Variants in P2RY8 observed in about 807,000 individuals in gnomAD.
P2RY8 encodes P2Y receptor family member 8.
A neutral mutation model predicts 10.0 loss-of-function variants in P2RY8; 6 were observed. The ratio of observed to expected loss-of-function variants is 0.60; its 90% CI spans 0.33 to 1.19. The LOEUF (loss-of-function observed/expected upper bound fraction) is 1.19, where lower values mean the gene tolerates loss of function less well. P2RY8 is among the 50% of genes most tolerant of loss of function. P2RY8 has a pLI of 0.04. For missense variants in P2RY8, 456 were observed against 542.0 expected, an observed-to-expected ratio of 0.84 and a Z score of 1.58; for synonymous variants, 276 against 252.5, an observed-to-expected ratio of 1.09 and a Z score of -0.88.
intron 1 of P2RY8, among the ~76,000 whole-genome samples, chrX:1,484,561 C>T (rs1256295788): frequency 6.6e-6 from 1 of 151,174 alleles, no homozygotes; most frequent in African/African-American, 2.4e-5. Flanking sequence ...CTCGTCTGTA[C>T]TAAAAATACA....
At chrX:1,485,628 TA>T (rs1335012714) in intron 1 of P2RY8, among the ~76,000 whole-genome samples, 6 of 148,092 alleles carry the variant, frequency 4.1e-5, no homozygotes, top group Non-Finnish European at 7.4e-5. Context: ...TATTATTATA[TA>T]ATATTACATA....
rs1165017398 is a variant in P2RY8, at chrX:1,464,067, T to C, written c.*1412A>G. ...AATAGAGGGCCTCCGAACAGCAGCTTCAGCCTCCATCAGCGTCCCCAGTGC... is the reference window on the plus strand; with the variant it reads ...AATAGAGGGCCTCCGAACAGCAGCTCCAGCCTCCATCAGCGTCCCCAGTGC... On this transcript the variant is annotated 3_prime_UTR_variant, in exon 2 of 2. Transcript: ENST00000381297. 4.3e-6 allele frequency: 1 copy of C among 233,166 alleles called. No individual in the cohort carries two copies. The highest frequency in any genetic ancestry group is 2.2e-5 in the African/African-American group (1 of 45,354). 14.4% of individuals were successfully genotyped at this position (233,166 alleles called of 1,614,324 possible).
chrX:1,521,944 C>CTTTTTTTTTTTTTTTTTTT (rs751056296), intron 1 of P2RY8, among the ~76,000 whole-genome samples: 3 of 39,020 alleles, frequency 7.7e-5, no homozygotes, highest in African/African-American at 1.2e-4. Flanking sequence ...CTCTCGCTCT[C>CTTTTTTTTTTTTTTTTTTT]TTTTTTTTTT....
chrX:1,486,010 G>A (rs1285389052), intron 1 of P2RY8, among the ~76,000 whole-genome samples: 2 of 152,148 alleles, frequency 1.3e-5, no homozygotes, highest in South Asian at 4.2e-4. Context: ...CCTGAGGCCA[G>A]GAGTTCAAGA....
chrX:1,475,348 C>G (rs1330351131), intron 1 of P2RY8, among the ~76,000 whole-genome samples: 3 of 151,664 alleles, frequency 2.0e-5, no homozygotes, highest in East Asian at 3.9e-4. Context: ...TTCTATCCAC[C>G]ATGAAATGCC....
chrX:1,481,546 C>A (rs1451101265), intron 1 of P2RY8, among the ~76,000 whole-genome samples: 2 of 151,346 alleles, frequency 1.3e-5, no homozygotes, highest in South Asian at 2.1e-4. Context: ...GTTTAAGGAG[C>A]CCAGCTTTGG....
chrX:1,470,837 A>AT (rs1166098896), intron 1 of P2RY8, among the ~76,000 whole-genome samples: 12,093 of 129,524 alleles, frequency 0.093, 1,348 homozygotes, highest in African/African-American at 0.27. Context: ...GTTCTTTCTG[A>AT]TTTTTTTTTT....
intron 1 of P2RY8, among the ~76,000 whole-genome samples, chrX:1,475,848 C>T (rs2091867483): frequency 6.6e-6 from 1 of 152,136 alleles, no homozygotes; most frequent in Admixed American, 6.6e-5. Flanking sequence ...TGAGAAATGT[C>T]CAACACTAGC....
At position 1,473,142 on chromosome X, in the gene P2RY8, T is replaced by C. The variant is rs1410839793; in HGVS notation, c.-24-6560A>G. 1.1e-4 allele frequency among the ~76,000 whole-genome samples: 16 copies of C among 144,866 alleles called. No individual in the cohort carries two copies. In the East Asian group the frequency reaches 3.1e-3, roughly 28 times the overall value. On this transcript the variant is annotated intron_variant, in intron 1 of 1. Coordinates refer to ENST00000381297, the MANE Select transcript of P2RY8 (RefSeq NM_178129.5). Reference sequence around the variant, plus strand: ...ATGGGTAGATGGATGGGTGGATGGATGGGTGGGTGGATGGATAGATGAGTA... The same window carrying C: ...ATGGGTAGATGGATGGGTGGATGGACGGGTGGGTGGATGGATAGATGAGTA...
At chrX:1,506,127 G>A (rs2092230812) in intron 1 of P2RY8, among the ~76,000 whole-genome samples, 1 of 151,328 alleles carries the variant, frequency 6.6e-6, no homozygotes. Context: ...CTAGTAGCTG[G>A]GATTATAGGC....
intron 1 of P2RY8, among the ~76,000 whole-genome samples, chrX:1,470,781 A>C (rs2091774752): frequency 6.6e-6 from 1 of 151,394 alleles, no homozygotes; most frequent in African/African-American, 2.4e-5. Flanking sequence ...TACTGTGTGG[A>C]TAGACCACAT....
chrX:1,472,228 A>G (rs2091796391), intron 1 of P2RY8, among the ~76,000 whole-genome samples: 1 of 151,752 alleles, frequency 6.6e-6, no homozygotes, highest in East Asian at 1.9e-4. Flanking sequence ...TGTGGTCATA[A>G]TAGAGTAGGG....
At chrX:1,494,959 C>G (rs1206207617) in intron 1 of P2RY8, among the ~76,000 whole-genome samples, 3 of 141,856 alleles carry the variant, frequency 2.1e-5, no homozygotes, top group African/African-American at 4.9e-5. Context: ...CTCAGGTGAT[C>G]CACCCGCCTC....
At position 1,486,209 on chromosome X, in the gene P2RY8, ACT is replaced by A. The variant is rs2091984528; in HGVS notation, c.-24-19629_-24-19628del. ...CTCCAGGCTGGGTGAAAAGAGTGAA[ACT>A]CTGTCTCAACAACAACAAAAAATGG... On this transcript the variant is annotated intron_variant, in intron 1 of 1. Transcript: ENST00000381297. 4.6e-5 allele frequency among the ~76,000 whole-genome samples: 7 copies of A among 152,244 alleles called. No homozygotes were observed. The South Asian group carries it at 1.2e-3, about 27-fold the overall frequency.
Position 1,465,337 on chromosome X carries a change from C to G in P2RY8, c.*142G>C, listed in dbSNP as rs1347160521. 3 of 1,370,006 alleles carry G rather than the reference C, an allele frequency of 2.2e-6. No homozygotes were observed. In the Admixed American group the frequency reaches 7.7e-5, roughly 35 times the overall value. 84.9% of individuals were successfully genotyped at this position (1,370,006 alleles called of 1,614,324 possible). ...CTGCAGTGCCTGGGAGGAATAAAGCCTGGAGACCCTTCCCCACCGGGCCTC... is the reference window on the plus strand; with the variant it reads ...CTGCAGTGCCTGGGAGGAATAAAGCGTGGAGACCCTTCCCCACCGGGCCTC... On this transcript the variant is annotated 3_prime_UTR_variant, in exon 2 of 2. Coordinates refer to ENST00000381297, the MANE Select transcript of P2RY8 (RefSeq NM_178129.5).
At chrX:1,518,916 C>A (rs1406140665) in intron 1 of P2RY8, among the ~76,000 whole-genome samples, 4 of 151,974 alleles carry the variant, frequency 2.6e-5, no homozygotes, top group African/African-American at 9.7e-5. Context: ...GATCCCCAAT[C>A]ATCTCCTTGG....
chrX:1,502,823 C>T (rs5948921), intron 1 of P2RY8, among the ~76,000 whole-genome samples: 1 of 138,438 alleles, frequency 7.2e-6, no homozygotes, highest in Non-Finnish European at 1.6e-5. Flanking sequence ...GGAGACAGAG[C>T]CTGGAATGAC....
intron 1 of P2RY8, chrX:1,494,310 T>C (rs5989756): frequency 0.97 from 147,243 of 152,284 alleles, 71,365 homozygotes; most frequent in East Asian, 1. Context: ...GCACCGCACC[T>C]TGAGACAGAC....
Position 1,466,532 on chromosome X carries a change from C to T in P2RY8, c.27G>A (p.Pro9=), listed in dbSNP as rs2091679301. The change falls in exon 2 of 2, where the codon CCG becomes CCA. Residue 9 remains proline (P), a synonymous_variant. Coordinates refer to ENST00000381297, the MANE Select transcript of P2RY8 (RefSeq NM_178129.5). MQVPNSTG[P]DNATLQMLRN... is the part of the protein sequence containing the mutation. ...GCAGCATCTGCAGCGTCGCGTTGTC[C>T]GGGCCGGTGCTGTTCGGGACCTGCA... The T allele has an allele frequency of 6.2e-7, 1 of 1,608,440 alleles. No individual in the cohort carries two copies. The highest frequency in any genetic ancestry group is 2.2e-5 in the East Asian group (1 of 44,848).
Sources: gnomAD v4.1 joint callset for allele counts (sites outside exome capture counted in the v4.1 genomes callset) on GRCh38, gnomAD v4.1.1 for gene constraint, MANE v1.5 for transcripts, NCBI Gene and HGNC (gene_info 2026-07-23, HGNC 2026-07-21) for gene names.